AGBL4: variants seen among roughly 807,000 people sequenced by gnomAD.
The protein encoded by AGBL4 is cytosolic carboxypeptidase 6.
AGBL4 carries 58 observed loss-of-function variants against 66.4 expected under a neutral mutation model. The ratio of observed to expected loss-of-function variants is 0.87; its 90% CI spans 0.71 to 1.09. AGBL4 has a LOEUF of 1.09. Among genes scored for constraint, AGBL4 ranks in the 50% least tolerant of loss-of-function variants. The pLI is 0.00. For missense variants in AGBL4, 579 were observed against 631.0 expected (o/e 0.92, Z 0.88); for synonymous variants, 234 against 222.9 (o/e 1.05, Z -0.44).
intron 9 of AGBL4, among the ~76,000 whole-genome samples, chr1:48,618,778 C>T (rs920432609): frequency 6.6e-6 from 1 of 152,156 alleles, no homozygotes; most frequent in Admixed American, 6.5e-5. Context: ...CATGCTCAAT[C>T]TTTGGAGTTC....
At chr1:49,488,535 T>C (rs1647117510) in intron 3 of AGBL4, among the ~76,000 whole-genome samples, 1 of 151,878 alleles carries the variant, frequency 6.6e-6, no homozygotes, top group African/African-American at 2.4e-5. Flanking sequence ...TATCCTTTCT[T>C]TGTTTTAGAA....
chr1:49,900,920 CT>C (rs34079129), intron 1 of AGBL4, among the ~76,000 whole-genome samples: 8 of 152,162 alleles, frequency 5.3e-5, no homozygotes, highest in Non-Finnish European at 1.0e-4. Context: ...ATTACAGATA[CT>C]TTTTTTAGAG....
chr1:48,967,408 T>A (rs541987380), intron 5 of AGBL4, among the ~76,000 whole-genome samples: 1 of 152,324 alleles, frequency 6.6e-6, no homozygotes, highest in South Asian at 2.1e-4. Context: ...TGTATGTTAA[T>A]ATGTCAAGCA....
intron 3 of AGBL4, among the ~76,000 whole-genome samples, chr1:49,358,415 A>T (rs1644065409): frequency 6.6e-6 from 1 of 152,056 alleles, no homozygotes; most frequent in African/African-American, 2.4e-5. Context: ...CCAGAAAAAA[A>T]AAAAATGTAA....
chr1:48,612,754 TA>T (rs1645257949), intron 9 of AGBL4, among the ~76,000 whole-genome samples: 1 of 152,276 alleles, frequency 6.6e-6, no homozygotes, highest in Non-Finnish European at 1.5e-5. Flanking sequence ...TTCTTAAGTT[TA>T]AAAGAACTTA....
intron 3 of AGBL4, among the ~76,000 whole-genome samples, chr1:49,386,964 A>G (rs1442706878): frequency 6.6e-6 from 1 of 152,020 alleles, no homozygotes; most frequent in Non-Finnish European, 1.5e-5. Flanking sequence ...CACATATGTG[A>G]TAGCATTTAA....
intron 2 of AGBL4, among the ~76,000 whole-genome samples, chr1:49,849,478 T>C (rs1056105387): frequency 5.2e-5 from 7 of 135,844 alleles, no homozygotes; most frequent in East Asian, 2.2e-4. Flanking sequence ...AAAGTATACA[T>C]ACACACACAC....
chr1:49,046,655 C>T (rs1644088141), intron 4 of AGBL4, among the ~76,000 whole-genome samples: 1 of 152,166 alleles, frequency 6.6e-6, no homozygotes, highest in African/African-American at 2.4e-5. Context: ...GAATGTCTCT[C>T]ATTTCTATCA....
At chr1:49,934,993 G>C (rs569057640) in intron 1 of AGBL4, among the ~76,000 whole-genome samples, 1 of 152,360 alleles carries the variant, frequency 6.6e-6, no homozygotes, top group East Asian at 1.9e-4. Context: ...AGGACAGTGG[G>C]TGCAGCGCAC....
chr1:49,790,783 T>C lies in AGBL4; in HGVS notation c.157+60613A>G, dbSNP rs141819786. Among the ~76,000 whole-genome samples the C allele has an allele frequency of 1.2e-3, 177 of 152,288 alleles. 6 individuals are homozygous for C. In the East Asian group the frequency reaches 0.03, roughly 26 times the overall value. On this transcript the variant is annotated intron_variant, in intron 2 of 13. Transcript: ENST00000371839. ...ATGTGTAAGATGTTTTCCAGGTTGA[T>C]AGAAACTCAAATCTAAAGGAAAGCC...
At chr1:49,926,144 G>A (rs1003974212) in intron 1 of AGBL4, among the ~76,000 whole-genome samples, 1 of 152,330 alleles carries the variant, frequency 6.6e-6, no homozygotes, top group Non-Finnish European at 1.5e-5. Context: ...AGGTACTTGT[G>A]TCACCCCTCC....
At chr1:48,814,516 A>G (rs986039161) in intron 6 of AGBL4, among the ~76,000 whole-genome samples, 10 of 152,046 alleles carry the variant, frequency 6.6e-5, no homozygotes, top group African/African-American at 2.4e-4. Context: ...AACTATAGTC[A>G]TCCTACAGTG....
intron 6 of AGBL4, among the ~76,000 whole-genome samples, chr1:48,835,244 T>G (rs1570783476): frequency 1.3e-5 from 2 of 152,240 alleles, no homozygotes; most frequent in South Asian, 4.1e-4. Flanking sequence ...TTAGAACCCC[T>G]ATCAGGGGCA....
At chr1:49,572,844 G>A (rs555971892) in intron 3 of AGBL4, among the ~76,000 whole-genome samples, 5 of 152,262 alleles carry the variant, frequency 3.3e-5, no homozygotes, top group African/African-American at 1.2e-4. Context: ...GAGTCACTGG[G>A]CTGGGAAGGG....
intron 11 of AGBL4, among the ~76,000 whole-genome samples, chr1:48,577,768 G>A (rs1242134934): frequency 6.6e-6 from 1 of 152,110 alleles, no homozygotes; most frequent in Non-Finnish European, 1.5e-5. Flanking sequence ...GGTCAAACTA[G>A]GGACGCTGAT....
At chr1:48,876,568 C>T (rs1649254200) in intron 5 of AGBL4, among the ~76,000 whole-genome samples, 1 of 152,102 alleles carries the variant, frequency 6.6e-6, no homozygotes, top group African/African-American at 2.4e-5. Context: ...TGACAAATGC[C>T]CACCCAGTGC....
chr1:48,683,464 T>C (rs937504339), intron 6 of AGBL4, among the ~76,000 whole-genome samples: 18 of 152,206 alleles, frequency 1.2e-4, no homozygotes, highest in Admixed American at 9.2e-4. Flanking sequence ...CAGAGTCTCA[T>C]TCTAAATCAC....
intron 2 of AGBL4, among the ~76,000 whole-genome samples, chr1:49,824,161 A>G (rs911030182): frequency 3.9e-5 from 6 of 152,182 alleles, no homozygotes; most frequent in African/African-American, 1.4e-4. Flanking sequence ...GTGAGCCGAG[A>G]TCGCGCATTG....
At chr1:48,592,954 G>A (rs578116266) in intron 9 of AGBL4, among the ~76,000 whole-genome samples, 2 of 152,212 alleles carry the variant, frequency 1.3e-5, no homozygotes, top group South Asian at 4.2e-4. Flanking sequence ...ATATAGGTGT[G>A]GCTTCCACTG....
Sources: gnomAD v4.1 joint callset for allele counts (sites outside exome capture counted in the v4.1 genomes callset) on GRCh38, gnomAD v4.1.1 for gene constraint, MANE v1.5 for transcripts, NCBI Gene and HGNC (gene_info 2026-07-23, HGNC 2026-07-21) for gene names.